The following LDB2 variants were observed in gnomAD, a reference collection of about 807,000 sequenced individuals.
LDB2 encodes the protein LIM domain binding 2.
In LDB2, 12 loss-of-function variants were observed where a neutral mutation model predicts 44.3. That is an observed-to-expected ratio of 0.27 (90% CI 0.17 to 0.44). LDB2 has a LOEUF of 0.44. Ranked by LOEUF, LDB2 falls within the 20% of genes least tolerant of loss-of-function variation. The pLI is 1.00. For missense variants in LDB2, 344 were observed against 473.5 expected (o/e 0.73, Z 2.54); for synonymous variants, 164 against 174.8 (o/e 0.94, Z 0.49).
At chr4:16,708,710 T>C (rs1389995443) in intron 2 of LDB2, among the ~76,000 whole-genome samples, 2 of 151,972 alleles carry the variant, frequency 1.3e-5, no homozygotes, top group African/African-American at 2.4e-5. Context: ...AATTATGATA[T>C]AGTGGATAGA....
intron 7 of LDB2, among the ~76,000 whole-genome samples, chr4:16,504,046 G>A (rs1334824265): frequency 6.6e-6 from 1 of 152,212 alleles, no homozygotes; most frequent in African/African-American, 2.4e-5. Flanking sequence ...CTTCAGGAAA[G>A]TGACCAACTG....
intron 1 of LDB2, among the ~76,000 whole-genome samples, chr4:16,815,194 T>C (rs923320971): frequency 2.0e-5 from 3 of 152,228 alleles, no homozygotes; most frequent in African/African-American, 4.8e-5. Flanking sequence ...AAAATCCCAC[T>C]GGATTTAGAA....
intron 2 of LDB2, among the ~76,000 whole-genome samples, chr4:16,673,231 A>T (rs1449719557): frequency 6.6e-6 from 1 of 152,196 alleles, no homozygotes; most frequent in Admixed American, 6.5e-5. Context: ...TATTGATCTG[A>T]CTGCAACATC....
chr4:16,722,697 G>A (rs1012376619), intron 2 of LDB2, among the ~76,000 whole-genome samples: 3 of 151,890 alleles, frequency 2.0e-5, no homozygotes, highest in Admixed American at 6.6e-5. Context: ...ACTTTCCTAC[G>A]TCAGGACCAT....
Position 16,502,552 on chromosome 4 carries a change from A to C in LDB2, c.*91T>G, listed in dbSNP as rs1717791112. On this transcript the variant is annotated 3_prime_UTR_variant, in exon 8 of 8. Transcript: ENST00000304523. ...TAGATATTTGCATGGAAAAGTTTTT[A>C]TCTCTTCTGTTTCCTCTCCTGTAAG... 1 of 1,505,954 alleles carries C rather than the reference A, an allele frequency of 6.6e-7. No individual in the cohort carries two copies. Among genetic ancestry groups the C allele is most frequent in the Non-Finnish European group, 9.1e-7 (1 of 1,101,650 alleles). The allele number at this position is 1,505,954 out of a possible 1,614,324, so 93.3% of individuals were successfully genotyped here. A position where few individuals can be genotyped will look rare whatever the true frequency, so the allele number is the denominator to read the frequency against.
intron 5 of LDB2, among the ~76,000 whole-genome samples, chr4:16,526,721 G>A (rs536257030): frequency 6.6e-6 from 1 of 152,342 alleles, no homozygotes; most frequent in African/African-American, 2.4e-5. Flanking sequence ...GCCAAGGAAT[G>A]TGTACACCTC....
chr4:16,580,160 G>T (rs561117884), intron 5 of LDB2, among the ~76,000 whole-genome samples: 1 of 152,160 alleles, frequency 6.6e-6, no homozygotes, highest in Non-Finnish European at 1.5e-5. Context: ...GACCAATTTG[G>T]ATTAACTGTA....
At chr4:16,516,559 G>A (rs1723804625) in intron 5 of LDB2, among the ~76,000 whole-genome samples, 1 of 152,130 alleles carries the variant, frequency 6.6e-6, no homozygotes, top group Non-Finnish European at 1.5e-5. Context: ...TTCTTCCAAA[G>A]CAAGTATTTT....
At chr4:16,768,706 C>T (rs369609989) in intron 1 of LDB2, among the ~76,000 whole-genome samples, 25 of 152,138 alleles carry the variant, frequency 1.6e-4, no homozygotes, top group African/African-American at 5.3e-4. Flanking sequence ...GGGTCTATCT[C>T]GAACCATGTT....
chr4:16,572,886 A>C (rs953235066), intron 5 of LDB2, among the ~76,000 whole-genome samples: 1 of 152,108 alleles, frequency 6.6e-6, no homozygotes, highest in Non-Finnish European at 1.5e-5. Flanking sequence ...AAGAAAGAGG[A>C]GGCGGAGGGG....
chr4:16,661,096 C>A (rs111364580), intron 2 of LDB2, among the ~76,000 whole-genome samples: 1 of 151,854 alleles, frequency 6.6e-6, no homozygotes, highest in Admixed American at 6.6e-5. Context: ...TAATTACTTT[C>A]CCCCACCTCC....
chr4:16,640,022 C>A (rs1734708536), intron 2 of LDB2, among the ~76,000 whole-genome samples: 1 of 152,220 alleles, frequency 6.6e-6, no homozygotes, highest in African/African-American at 2.4e-5. Flanking sequence ...AAATTTTCAT[C>A]TATCCATCTG....
chr4:16,828,540 T>C (rs1429753404), intron 1 of LDB2, among the ~76,000 whole-genome samples: 1 of 152,216 alleles, frequency 6.6e-6, no homozygotes, highest in Non-Finnish European at 1.5e-5. Context: ...CACAGTTTCA[T>C]CAGTGCTAGA....
intron 1 of LDB2, among the ~76,000 whole-genome samples, chr4:16,793,011 GA>G (rs1776071474): frequency 6.6e-6 from 1 of 152,150 alleles, no homozygotes; most frequent in African/African-American, 2.4e-5. Flanking sequence ...CAAAGAAATG[GA>G]CCCCCTTGGT....
intron 1 of LDB2, among the ~76,000 whole-genome samples, chr4:16,799,066 G>T (rs979223173): frequency 3.9e-5 from 6 of 152,098 alleles, no homozygotes; most frequent in African/African-American, 1.4e-4. Context: ...TGTTAGCCAG[G>T]ATGGTCTTGA....
chr4:16,897,895 AATATATATAT>A (rs1174965862), intron 1 of LDB2, among the ~76,000 whole-genome samples: 3,170 of 77,598 alleles, frequency 0.041, 165 homozygotes, highest in South Asian at 0.084. Flanking sequence ...TAAAAAAGAA[AATATATATAT>A]ATATATATAT....
intron 1 of LDB2, among the ~76,000 whole-genome samples, chr4:16,796,371 C>A (rs749437526): frequency 2.0e-5 from 3 of 152,140 alleles, no homozygotes; most frequent in Admixed American, 6.5e-5. Flanking sequence ...CTGAAAGCAA[C>A]AACACCTCAG....
chr4:16,861,484 G>A (rs1229557189), intron 1 of LDB2, among the ~76,000 whole-genome samples: 1 of 152,336 alleles, frequency 6.6e-6, no homozygotes, highest in South Asian at 2.1e-4. Flanking sequence ...TACTGCTATA[G>A]TTGCTCAAAG....
intron 2 of LDB2, among the ~76,000 whole-genome samples, chr4:16,596,346 T>C (rs1720903554): frequency 6.6e-6 from 1 of 152,186 alleles, no homozygotes; most frequent in Admixed American, 6.5e-5. Context: ...TTGTAGTGTG[T>C]AAAGTATTTT....
Sources: allele counts gnomAD v4.1 joint callset (sites outside exome capture counted in the v4.1 genomes callset), GRCh38; gene constraint gnomAD v4.1.1; transcripts MANE v1.5; gene names NCBI Gene and HGNC (gene_info 2026-07-23, HGNC 2026-07-21).